Variants in RBFOX2 observed in about 807,000 individuals in gnomAD.
RBFOX2 encodes the protein RNA binding fox-1 homolog 2.
In RBFOX2, 10 loss-of-function variants were observed where a neutral mutation model predicts 49.1. The ratio of observed to expected loss-of-function variants is 0.20; its 90% CI spans 0.13 to 0.35. RBFOX2 has a LOEUF of 0.35. Among genes scored for constraint, RBFOX2 ranks in the 10% least tolerant of loss-of-function variants. RBFOX2 has a pLI of 1.00. For synonymous variants in RBFOX2, 183 were observed against 187.4 expected, an observed-to-expected ratio of 0.98 and a Z score of 0.19; for missense variants, 323 against 486.9, an observed-to-expected ratio of 0.66 and a Z score of 3.17.
At chr22:35,955,690 T>C (rs549527697) in intron 1 of RBFOX2, among the ~76,000 whole-genome samples, 34 of 152,246 alleles carry the variant, frequency 2.2e-4, no homozygotes, top group African/African-American at 6.7e-4. Context: ...ATGCCGCCAC[T>C]GATCTGATAG....
intron 1 of RBFOX2, among the ~76,000 whole-genome samples, chr22:35,972,461 G>A (rs570610457): frequency 2.0e-5 from 3 of 151,050 alleles, no homozygotes; most frequent in East Asian, 3.9e-4. Context: ...GGACTTACCC[G>A]GTACTGTGGT....
chr22:35,947,371 G>T (rs1348132197), intron 1 of RBFOX2, among the ~76,000 whole-genome samples: 1 of 152,026 alleles, frequency 6.6e-6, no homozygotes, highest in Admixed American at 6.6e-5. Flanking sequence ...AGTGCTTGAT[G>T]ATAATAAATG....
At chr22:35,961,463 C>T in intron 1 of RBFOX2, 6 of 1,237,456 alleles carry the variant, frequency 4.8e-6, no homozygotes, top group Non-Finnish European at 6.4e-6. Context: ...CACGACCGAC[C>T]TCTCTGCTTG....
chr22:35,821,871 G>C (rs1224734597), intron 1 of RBFOX2: 7 of 518,966 alleles, frequency 1.3e-5, no homozygotes, highest in Non-Finnish European at 2.7e-5. Context: ...TTAACTGTTT[G>C]TATGGCAAAC....
chr22:35,775,490 A>G (rs143123484), intron 4 of RBFOX2, among the ~76,000 whole-genome samples: 154 of 152,350 alleles, frequency 1.0e-3, no homozygotes, highest in East Asian at 4.8e-3. Context: ...GAGAAAGCTC[A>G]TGTCATTACT....
chr22:35,905,738 T>TG (rs1364804223), intron 1 of RBFOX2, among the ~76,000 whole-genome samples: 2 of 152,090 alleles, frequency 1.3e-5, no homozygotes, highest in African/African-American at 4.8e-5. Flanking sequence ...AGTATAGCCT[T>TG]GGGGGAGGGG....
chr22:35,989,855 C>G (rs906657310), intron 1 of RBFOX2, among the ~76,000 whole-genome samples: 24 of 152,062 alleles, frequency 1.6e-4, no homozygotes, highest in African/African-American at 5.8e-4. Context: ...GTTTAAACAG[C>G]CACTGTGGCA....
intron 9 of RBFOX2, chr22:35,746,868 A>G (rs1468539590): frequency 7.7e-6 from 2 of 259,174 alleles, no homozygotes; most frequent in African/African-American, 4.4e-5. Flanking sequence ...GTCTTACTTC[A>G]CAGTCTTTGT....
chr22:35,798,851 G>A (rs921811147), intron 2 of RBFOX2, among the ~76,000 whole-genome samples: 6 of 152,156 alleles, frequency 3.9e-5, no homozygotes, highest in Non-Finnish European at 7.4e-5. Context: ...TCAATAACAT[G>A]CTATGTCTCC....
At position 35,774,758 on chromosome 22, in the gene RBFOX2, A is replaced by AT. The variant is rs1404962910; in HGVS notation, c.453+3266dup. ...ACTGGCAGACAAGGAGGGCATGAGC[A>AT]TGGCAGTGGAACACCGTTTACTTAT... On this transcript the variant is annotated intron_variant, in intron 4 of 11. Coordinates refer to ENST00000405409, the Ensembl canonical transcript of RBFOX2. 3.3e-5 allele frequency among the ~76,000 whole-genome samples: 5 copies of AT among 152,328 alleles called. No homozygotes were observed. The East Asian group carries it at 7.7e-4, about 23-fold the overall frequency.
chr22:35,893,784 T>A (rs1402256499), intron 1 of RBFOX2, among the ~76,000 whole-genome samples: 1 of 152,184 alleles, frequency 6.6e-6, no homozygotes, highest in Non-Finnish European at 1.5e-5. Flanking sequence ...ACATTTGCTT[T>A]CTGATAATTT....
exon 12 of RBFOX2, chr22:35,744,147 C>T: frequency 6.8e-7 from 1 of 1,472,596 alleles, no homozygotes; most frequent in Admixed American, 2.2e-5. Context: ...GTAAATATTG[C>T]AATAGCCAGG....
chr22:35,935,018 T>C (rs1164038453), intron 1 of RBFOX2, among the ~76,000 whole-genome samples: 1 of 152,164 alleles, frequency 6.6e-6, no homozygotes, highest in East Asian at 1.9e-4. Context: ...CACCACAGCC[T>C]CAATCTCCCA....
intron 1 of RBFOX2, among the ~76,000 whole-genome samples, chr22:35,886,678 A>G (rs1182829305): frequency 6.6e-6 from 1 of 152,260 alleles, no homozygotes; most frequent in Non-Finnish European, 1.5e-5. Flanking sequence ...GAGAAGGGAC[A>G]GTAAAGATAC....
intron 1 of RBFOX2, chr22:35,999,841 G>C (rs373397596): frequency 9.2e-5 from 14 of 151,896 alleles, no homozygotes; most frequent in Non-Finnish European, 1.8e-4. Flanking sequence ...TTTCACAGAC[G>C]ACATGTATCC....
At chr22:35,843,422 C>T (rs1452524206), upstream of RBFOX2, among the ~76,000 whole-genome samples, 1 of 151,508 alleles carries the variant, frequency 6.6e-6, no homozygotes, top group Non-Finnish European at 1.5e-5. Context: ...GAAAGAGGTA[C>T]TTCTCCCTGT....
At chr22:35,922,628 T>G (rs918154525) in intron 1 of RBFOX2, among the ~76,000 whole-genome samples, 1 of 151,758 alleles carries the variant, frequency 6.6e-6, no homozygotes, top group Non-Finnish European at 1.5e-5. Flanking sequence ...GGGCTACTTG[T>G]TTTTGTAGAA....
chr22:35,960,085 C>T (rs1337522829), intron 1 of RBFOX2, among the ~76,000 whole-genome samples: 2 of 152,236 alleles, frequency 1.3e-5, no homozygotes, highest in East Asian at 3.9e-4. Context: ...CCCACAGATA[C>T]AATACGCCAA....
chr22:35,763,849 G>T (rs556010033), intron 6 of RBFOX2, among the ~76,000 whole-genome samples: 1 of 152,228 alleles, frequency 6.6e-6, no homozygotes, highest in African/African-American at 2.4e-5. Context: ...TATGAAAACA[G>T]AATTAGGTTA....
Sources: allele counts gnomAD v4.1 joint callset (sites outside exome capture counted in the v4.1 genomes callset), GRCh38; gene constraint gnomAD v4.1.1; transcripts MANE v1.5; gene names NCBI Gene and HGNC (gene_info 2026-07-23, HGNC 2026-07-21).